ZNF791: variants seen among roughly 807,000 people sequenced by gnomAD.
The protein encoded by ZNF791 is zinc finger protein 791.
Under a neutral mutation model 11.5 loss-of-function variants are expected in ZNF791, and 4 were observed. The ratio of observed to expected loss-of-function variants is 0.35; its 90% CI spans 0.17 to 0.80. The LOEUF (loss-of-function observed/expected upper bound fraction) is 0.80, where lower values mean the gene tolerates loss of function less well. ZNF791 is among the 30% of genes least tolerant of loss of function. The probability of loss-of-function intolerance (pLI) is 0.53; values close to 1 mark genes in which losing one functional copy is unlikely to be tolerated. For missense variants in ZNF791, 559 were observed against 699.4 expected, an observed-to-expected ratio of 0.80 and a Z score of 2.26; for synonymous variants, 212 against 228.1, an observed-to-expected ratio of 0.93 and a Z score of 0.64.
At chr19:12,626,358 C>T (rs1180252164) in intron 3 of ZNF791, among the ~76,000 whole-genome samples, 2 of 151,320 alleles carry the variant, frequency 1.3e-5, no homozygotes, top group Non-Finnish European at 3.0e-5. Context: ...ACTATGTTGG[C>T]CTGGATGGTC....
rs750328484 is a variant in ZNF791 at position 12,628,567 on chromosome 19, C to T, written c.1038C>T (p.His346=). The T allele has an allele frequency of 1.3e-5, 21 of 1,598,560 alleles. No individual in the cohort carries two copies. Among genetic ancestry groups the T allele is most frequent in the East Asian group, 6.7e-5 (3 of 44,700 alleles). The change falls in exon 4 of 4, where the codon CAC becomes CAT. Residue 346 remains histidine (H), a synonymous_variant. Transcript: ENST00000343325. ...SFSARPAFRV[H]VRVHTGEKPY... is the part of the protein sequence containing the mutation. ...GTGCACGCCCAGCCTTTCGAGTACA[C>T]GTGAGAGTGCATACTGGAGAGAAAC...
chr19:12,610,992 T>C lies in ZNF791; in HGVS notation c.-88T>C. 6.3e-7 allele frequency: 1 copy of C among 1,579,162 alleles called. No homozygotes were observed. Among genetic ancestry groups the C allele is most frequent in the Non-Finnish European group, 8.7e-7 (1 of 1,149,326 alleles). On this transcript the variant is annotated 5_prime_UTR_variant, in exon 1 of 4. Coordinates refer to ENST00000343325, the MANE Select transcript of ZNF791 (RefSeq NM_153358.3). ...TCTCCTGGCCCCTTGACGCGTCAGG[T>C]TGCTGTACCCCTGCATCGGATGCGC...
At chr19:12,613,207 G>A (rs563210264) in intron 1 of ZNF791, among the ~76,000 whole-genome samples, 7 of 146,824 alleles carry the variant, frequency 4.8e-5, no homozygotes, top group East Asian at 4.6e-4. Context: ...TGATCCACCC[G>A]CCTCAGCCTC....
intron 1 of ZNF791, among the ~76,000 whole-genome samples, chr19:12,617,345 C>T (rs145773218): frequency 3.3e-5 from 5 of 151,930 alleles, no homozygotes; most frequent in Non-Finnish European, 7.4e-5. Flanking sequence ...AGGCTGGTCT[C>T]GAACTCCTGA....
intron 1 of ZNF791, among the ~76,000 whole-genome samples, chr19:12,623,021 A>G (rs1358325725): frequency 6.6e-6 from 1 of 152,174 alleles, no homozygotes; most frequent in Non-Finnish European, 1.5e-5. Context: ...TTGAGGCTAC[A>G]GTGAGTTAGG....
intron 1 of ZNF791, among the ~76,000 whole-genome samples, chr19:12,615,964 T>C (rs1371230394): frequency 6.6e-6 from 1 of 152,186 alleles, no homozygotes; most frequent in East Asian, 1.9e-4. Flanking sequence ...TGTGATTGCA[T>C]GGTCCACTGG....
At chr19:12,617,054 ATT>A (rs1048540153) in intron 1 of ZNF791, among the ~76,000 whole-genome samples, 5 of 151,396 alleles carry the variant, frequency 3.3e-5, no homozygotes, top group African/African-American at 1.2e-4. Context: ...CTTAGGTACT[ATT>A]TTTGTTGCAT....
chr19:12,623,723 G>T lies in ZNF791; in HGVS notation c.27G>T (p.Val9=). 3 of 1,614,122 alleles carry T rather than the reference G, an allele frequency of 1.9e-6. No homozygotes were observed. Among genetic ancestry groups the T allele is most frequent in the Non-Finnish European group, 1.7e-6 (2 of 1,180,020 alleles). ...AGGACTCAGTGGCTTTTGAGGATGT[G>T]TCTGTGAGCTTCAGCCAGGAGGAGT... is the stretch of plus-strand genomic sequence containing the variant. The part of the protein sequence containing the change: MDSVAFED[V]SVSFSQEEWA... The change falls in exon 2 of 4, where the codon GTG becomes GTT. Residue 9 remains valine (V), a synonymous_variant. Coordinates refer to ENST00000343325, the MANE Select transcript of ZNF791 (RefSeq NM_153358.3).
intron 3 of ZNF791, among the ~76,000 whole-genome samples, 156 bp from the exon 4 acceptor site, chr19:12,627,565 G>A (rs1458607932): frequency 6.6e-6 from 1 of 152,224 alleles, no homozygotes; most frequent in Non-Finnish European, 1.5e-5. Context: ...GGTGGAGGTT[G>A]CAGTGAGCTG....
intron 1 of ZNF791, among the ~76,000 whole-genome samples, chr19:12,620,759 T>A (rs1206884773): frequency 7.8e-6 from 1 of 127,980 alleles, no homozygotes; most frequent in East Asian, 2.0e-4. Context: ...ATGTTCTTTT[T>A]TTTTTTTTTT....
chr19:12,618,654 T>G (rs1379614797), intron 1 of ZNF791, among the ~76,000 whole-genome samples: 1 of 151,552 alleles, frequency 6.6e-6, no homozygotes, highest in Non-Finnish European at 1.5e-5. Flanking sequence ...TCCCAGCTAC[T>G]CAGGAGGCTG....
intron 1 of ZNF791, among the ~76,000 whole-genome samples, chr19:12,613,741 T>C (rs1324355379): frequency 6.6e-6 from 1 of 152,114 alleles, no homozygotes; most frequent in African/African-American, 2.4e-5. Context: ...TGGTTCTTCC[T>C]GGGGAGCCTC....
intron 1 of ZNF791, among the ~76,000 whole-genome samples, chr19:12,619,954 C>A (rs940821760): frequency 6.6e-6 from 1 of 151,316 alleles, no homozygotes; most frequent in Non-Finnish European, 1.5e-5. Flanking sequence ...GACGGAGTCT[C>A]GCTCTGTCGC....
chr19:12,627,127 G>C (rs2023441300), intron 3 of ZNF791, among the ~76,000 whole-genome samples: 1 of 150,878 alleles, frequency 6.6e-6, no homozygotes, highest in South Asian at 2.1e-4. Context: ...GCTGCAGTGA[G>C]CCATGATTGC....
chr19:12,622,179 C>A (rs373391881), intron 1 of ZNF791, among the ~76,000 whole-genome samples: 2 of 133,878 alleles, frequency 1.5e-5, no homozygotes, highest in Non-Finnish European at 3.3e-5. Context: ...GTCATCACCA[C>A]TCCCTAATCT....
rs1249615619 is a variant in ZNF791, at chr19:12,632,269, G to A, written c.*3009G>A. On this transcript the variant is annotated 3_prime_UTR_variant, in exon 4 of 4. Transcript: ENST00000343325. ...TGAGCCACCGCACCCGGCCTGAAGTGTATTTTTTTTTTCTTTTAAAGACCA... is the reference window on the plus strand; with the variant it reads ...TGAGCCACCGCACCCGGCCTGAAGTATATTTTTTTTTTCTTTTAAAGACCA... 1 of 151,432 alleles carries A rather than the reference G, an allele frequency of 6.6e-6. No individual in the cohort carries two copies. Among genetic ancestry groups the A allele is most frequent in the East Asian group, 1.9e-4 (1 of 5,164 alleles). 9.4% of individuals were successfully genotyped at this position (151,432 alleles called of 1,614,324 possible).
At chr19:12,620,552 AC>A (rs1246021308) in intron 1 of ZNF791, among the ~76,000 whole-genome samples, 2 of 152,118 alleles carry the variant, frequency 1.3e-5, no homozygotes, top group Non-Finnish European at 2.9e-5. Context: ...TGGACTTGTC[AC>A]GAGGGAGAGC....
intron 1 of ZNF791, among the ~76,000 whole-genome samples, chr19:12,612,990 T>C (rs2023184771): frequency 6.6e-6 from 1 of 151,816 alleles, no homozygotes; most frequent in African/African-American, 2.4e-5. Flanking sequence ...TGGGTGTGTT[T>C]TTAGACATTA....
intron 1 of ZNF791, among the ~76,000 whole-genome samples, chr19:12,613,696 T>C (rs2023196501): frequency 6.6e-6 from 1 of 152,146 alleles, no homozygotes; most frequent in African/African-American, 2.4e-5. Context: ...AAGTCCACCT[T>C]TGAGCCTGCA....
Sources: gnomAD v4.1 joint callset for allele counts (sites outside exome capture counted in the v4.1 genomes callset) on GRCh38, gnomAD v4.1.1 for gene constraint, MANE v1.5 for transcripts, NCBI Gene and HGNC (gene_info 2026-07-23, HGNC 2026-07-21) for gene names.